ALPK2: variants seen among roughly 807,000 people sequenced by gnomAD.
The protein encoded by ALPK2 is alpha kinase 2.
ALPK2 carries 127 observed loss-of-function variants against 163.1 expected under a neutral mutation model. The observed-to-expected ratio is 0.78, with a 90% CI of 0.67 to 0.90. ALPK2 has a LOEUF of 0.90. ALPK2 is among the 40% of genes least tolerant of loss of function. The pLI, the probability that ALPK2 is intolerant of heterozygous loss-of-function variation, is 0.00. For missense variants in ALPK2, 2,360 were observed against 2,589.6 expected, an observed-to-expected ratio of 0.91 and a Z score of 1.92; for synonymous variants, 953 against 959.1, an observed-to-expected ratio of 0.99 and a Z score of 0.12.
chr18:58,509,972 T>C (rs1051206577), intron 10 of ALPK2, among the ~76,000 whole-genome samples: 2 of 152,230 alleles, frequency 1.3e-5, no homozygotes, highest in Non-Finnish European at 2.9e-5. Flanking sequence ...GCCTATGTCC[T>C]GAATGGTATT....
chr18:58,517,888 G>C (rs542509361), intron 8 of ALPK2, among the ~76,000 whole-genome samples: 1 of 152,012 alleles, frequency 6.6e-6, no homozygotes, highest in Non-Finnish European at 1.5e-5. Context: ...GAATTATTTT[G>C]CATTTATTTG....
chr18:58,571,907 C>T (rs1031911365), intron 4 of ALPK2, among the ~76,000 whole-genome samples: 10 of 131,730 alleles, frequency 7.6e-5, no homozygotes, highest in Non-Finnish European at 1.2e-4. Flanking sequence ...ACCTGGGAGG[C>T]GGAGGTTGCA....
At chr18:58,565,158 G>T (rs1244280939) in intron 4 of ALPK2, among the ~76,000 whole-genome samples, 3 of 151,944 alleles carry the variant, frequency 2.0e-5, no homozygotes, top group Non-Finnish European at 4.4e-5. Context: ...TATTTAGCCA[G>T]TTACCCATGA....
chr18:58,511,282 G>T (rs917672394), intron 10 of ALPK2, among the ~76,000 whole-genome samples: 2 of 152,182 alleles, frequency 1.3e-5, no homozygotes, highest in African/African-American at 4.8e-5. Context: ...GCTGGATTCG[G>T]TTTGCCAGTA....
chr18:58,535,089 C>G lies in ALPK2; in HGVS notation c.5098G>C (p.Gly1700Arg). Residue 1700 changes from glycine (G) to arginine (R), a missense_variant, in exon 5 of 13, where the codon GGG (glycine) becomes CGG (arginine). Physicochemically the swap from Gly to Arg is moderately radical, Grantham distance 125. Coordinates refer to ENST00000361673, the MANE Select transcript of ALPK2 (RefSeq NM_052947.4). ...GACCCCGTCACTGCTGTGAGGGTCC[C>G]TGGCGATTTGCCTGCTCGGGCTTCC... is the stretch of plus-strand genomic sequence containing the variant. ...SLEARAGKSP[G>R]TLTAVTGSEE... is the part of the protein sequence containing the mutation. 6.2e-7 allele frequency: 1 copy of G among 1,614,144 alleles called. No homozygotes were observed. Among genetic ancestry groups the G allele is most frequent in the Non-Finnish European group, 8.5e-7 (1 of 1,180,018 alleles).
Position 58,536,279 on chromosome 18 carries a change from G to T in ALPK2, c.3908C>A (p.Ala1303Asp). 6.2e-7 allele frequency: 1 copy of T among 1,614,194 alleles called. No homozygotes were observed. The highest frequency in any genetic ancestry group is 8.5e-7 in the Non-Finnish European group (1 of 1,180,040). Reference sequence around the variant, plus strand: ...TCTGCTATCAGCAAGGGCTGACTCAGCATCCTCTGGACTGTGAGCCAATGC... The same window carrying T: ...TCTGCTATCAGCAAGGGCTGACTCATCATCCTCTGGACTGTGAGCCAATGC... ...IAALAHSPED[A>D]ESALADSRES... The change falls in exon 5 of 13, where the codon GCT (alanine) becomes GAT (aspartate). Residue 1303 changes from alanine (A) to aspartate (D), a missense_variant. Coordinates refer to ENST00000361673, the MANE Select transcript of ALPK2 (RefSeq NM_052947.4).
At chr18:58,598,488 A>G (rs568919260) in intron 3 of ALPK2, among the ~76,000 whole-genome samples, 1 of 152,328 alleles carries the variant, frequency 6.6e-6, no homozygotes, top group East Asian at 1.9e-4. Flanking sequence ...GACCTGGCAG[A>G]GGCAGGGAGG....
chr18:58,559,093 T>C (rs1198621082), intron 4 of ALPK2, among the ~76,000 whole-genome samples: 1 of 152,264 alleles, frequency 6.6e-6, no homozygotes, highest in East Asian at 1.9e-4. Context: ...CTAATTTTAA[T>C]GAGATAACTA....
At chr18:58,538,825 G>T (rs1195051376) in intron 4 of ALPK2, among the ~76,000 whole-genome samples, 4 of 152,034 alleles carry the variant, frequency 2.6e-5, no homozygotes, top group African/African-American at 4.8e-5. Context: ...CATCCCTCAG[G>T]GGTGGGGGGA....
intron 3 of ALPK2, among the ~76,000 whole-genome samples, chr18:58,593,947 CAAAA>C (rs11366867): frequency 4.7e-5 from 6 of 127,162 alleles, no homozygotes; most frequent in Admixed American, 7.8e-5. Context: ...TTCCCCCAAC[CAAAA>C]AAAAAAAAAA....
At chr18:58,607,222 A>G in intron 3 of ALPK2, 100 bp downstream of exon 3, 2 of 765,400 alleles carry the variant, frequency 2.6e-6, no homozygotes, top group South Asian at 2.6e-5. Context: ...TGACTCTAGA[A>G]GCAAATATGA....
chr18:58,605,313 A>G (rs985030704), intron 3 of ALPK2, among the ~76,000 whole-genome samples: 3 of 152,216 alleles, frequency 2.0e-5, no homozygotes, highest in Admixed American at 6.5e-5. Context: ...CTGGCCTGCA[A>G]AGGCTAAAAT....
chr18:58,503,517 C>T (rs368989240), intron 11 of ALPK2, among the ~76,000 whole-genome samples: 10 of 152,028 alleles, frequency 6.6e-5, no homozygotes, highest in Admixed American at 1.3e-4. Flanking sequence ...CCGTCCAGGA[C>T]GCTGTCTCTA....
intron 11 of ALPK2, among the ~76,000 whole-genome samples, chr18:58,498,549 A>G (rs1161640401): frequency 6.6e-6 from 1 of 152,214 alleles, no homozygotes; most frequent in Non-Finnish European, 1.5e-5. Context: ...AGTCAATGCC[A>G]ATAGCAAGAG....
chr18:58,574,292 A>T (rs1275255424), intron 4 of ALPK2, among the ~76,000 whole-genome samples: 87 of 151,446 alleles, frequency 5.7e-4, no homozygotes, highest in African/African-American at 2.0e-3. Context: ...AAAAAAAAAA[A>T]ACAAAAATCA....
rs1327301652 is a variant in ALPK2, at chr18:58,596,079, A to G, written c.227+11243T>C. Among the ~76,000 whole-genome samples, 4 of 152,326 alleles carry G rather than the reference A, an allele frequency of 2.6e-5. No individual in the cohort carries two copies. The East Asian group carries it at 7.7e-4, about 29-fold the overall frequency. ...TCAATGACTGGCAAGCTGCCCCCGC[A>G]TGCACTGTGTGGCTGTTAAGAGTTG... On this transcript the variant is annotated intron_variant, in intron 3 of 12. Transcript: ENST00000361673.
At chr18:58,580,724 C>T (rs1203184711) in intron 3 of ALPK2, 176 bp from the exon 4 acceptor site, 4 of 636,570 alleles carry the variant, frequency 6.3e-6, no homozygotes, top group Non-Finnish European at 1.1e-5. Flanking sequence ...GCTCCGGTGC[C>T]CCTAGTGCTG....
intron 5 of ALPK2, among the ~76,000 whole-genome samples, chr18:58,533,181 A>G (rs1161523650): frequency 5.9e-5 from 9 of 152,214 alleles, no homozygotes. Flanking sequence ...CTTTAGTGCA[A>G]TGGCGAGGTT....
At position 58,537,024 on chromosome 18, in the gene ALPK2, C is replaced by G; in HGVS notation, c.3163G>C (p.Val1055Leu). 2 of 1,613,928 alleles carry G rather than the reference C, an allele frequency of 1.2e-6. No homozygotes were observed. Among genetic ancestry groups the G allele is most frequent in the Non-Finnish European group, 1.7e-6 (2 of 1,179,800 alleles). ...HEKVSQFPSQ[V>L]QLDHILSGAT... ...CCACTTAAAATATGATCCAACTGCA[C>G]TTGGGAAGGAAATTGGGAAACCTTT... Residue 1055 changes from valine (V) to leucine (L), a missense_variant, in exon 5 of 13, where the codon GTG (valine) becomes CTG (leucine). Coordinates refer to ENST00000361673, the MANE Select transcript of ALPK2 (RefSeq NM_052947.4).
Sources: gnomAD v4.1 joint callset for allele counts (sites outside exome capture counted in the v4.1 genomes callset) on GRCh38, gnomAD v4.1.1 for gene constraint, MANE v1.5 for transcripts, NCBI Gene and HGNC (gene_info 2026-07-23, HGNC 2026-07-21) for gene names.